The following KCNMB2 variants were observed in gnomAD, a reference collection of about 807,000 sequenced individuals.
KCNMB2 encodes the protein calcium-activated potassium channel subunit beta-2.
Under a neutral mutation model 24.5 loss-of-function variants are expected in KCNMB2, and 9 were observed. The ratio of observed to expected loss-of-function variants is 0.37; its 90% CI spans 0.22 to 0.64. The LOEUF (loss-of-function observed/expected upper bound fraction) is 0.64. KCNMB2 is among the 30% of genes least tolerant of loss of function. The pLI, the probability that KCNMB2 is intolerant of heterozygous loss-of-function variation, is 0.63. For missense variants in KCNMB2, 226 were observed against 284.3 expected (o/e 0.79, Z 1.47); for synonymous variants, 109 against 104.4 (o/e 1.04, Z -0.27).
At chr3:178,731,644 C>T (rs975008245) in intron 1 of KCNMB2, among the ~76,000 whole-genome samples, 3 of 152,224 alleles carry the variant, frequency 2.0e-5, no homozygotes, top group Non-Finnish European at 4.4e-5. Flanking sequence ...TGGCTCATGC[C>T]TGTAATCCCA....
At chr3:178,770,648 A>C in intron 1 of KCNMB2, among the ~76,000 whole-genome samples, 1 of 152,224 alleles carries the variant, frequency 6.6e-6, no homozygotes, top group Non-Finnish European at 1.5e-5. Context: ...CAACAGTTAA[A>C]ATCAAAAAAA....
chr3:178,666,904 T>C (rs1446617467), intron 1 of KCNMB2, among the ~76,000 whole-genome samples: 1 of 152,142 alleles, frequency 6.6e-6, no homozygotes, highest in Non-Finnish European at 1.5e-5. Context: ...ACGAAACTCT[T>C]CAGATGTTCA....
At chr3:178,757,944 G>GAT (rs1408754747) in intron 1 of KCNMB2, among the ~76,000 whole-genome samples, 1,569 of 66,214 alleles carry the variant, frequency 0.024, 310 homozygotes, top group African/African-American at 0.059. Flanking sequence ...TACACAAGGG[G>GAT]ATATATAGAC....
At chr3:178,677,901 G>A (rs1350545917) in intron 1 of KCNMB2, among the ~76,000 whole-genome samples, 1 of 152,188 alleles carries the variant, frequency 6.6e-6, no homozygotes, top group Admixed American at 6.5e-5. Context: ...CATACTAAAT[G>A]ATCATGTATG....
At chr3:178,724,897 T>A (rs1424711910) in intron 1 of KCNMB2, among the ~76,000 whole-genome samples, 1 of 152,196 alleles carries the variant, frequency 6.6e-6, no homozygotes, top group South Asian at 2.1e-4. Flanking sequence ...GCTGTTTTGG[T>A]TACTGTAGCT....
At chr3:178,539,987 A>T (rs913414588) in intron 1 of KCNMB2, among the ~76,000 whole-genome samples, 1 of 152,132 alleles carries the variant, frequency 6.6e-6, no homozygotes, top group Non-Finnish European at 1.5e-5. Context: ...CCTAACCTTG[A>T]CTTTTCCTCT....
chr3:178,566,398 C>T (rs7617794), intron 1 of KCNMB2, among the ~76,000 whole-genome samples: 33,586 of 151,950 alleles, frequency 0.22, 5,661 homozygotes, highest in African/African-American at 0.48. Context: ...AGTATCTGGC[C>T]GTGTCACTCA....
At chr3:178,551,763 T>C (rs765010669) in intron 1 of KCNMB2, among the ~76,000 whole-genome samples, 1 of 152,206 alleles carries the variant, frequency 6.6e-6, no homozygotes, top group Non-Finnish European at 1.5e-5. Flanking sequence ...CTAAAATCCC[T>C]ATCGTGCACT....
chr3:178,653,584 C>T (rs1026368686), intron 1 of KCNMB2, among the ~76,000 whole-genome samples: 15 of 151,918 alleles, frequency 9.9e-5, no homozygotes, highest in Non-Finnish European at 2.2e-4. Context: ...CAAGGCCTGG[C>T]CCTCCAGGAA....
At chr3:178,824,056 A>T (rs1001932775) in intron 2 of KCNMB2, among the ~76,000 whole-genome samples, 4 of 152,150 alleles carry the variant, frequency 2.6e-5, no homozygotes. Flanking sequence ...GACATTGAAA[A>T]ATCATGAGCT....
chr3:178,779,019 C>T (rs562069903), intron 1 of KCNMB2, among the ~76,000 whole-genome samples: 42 of 152,206 alleles, frequency 2.8e-4, no homozygotes, highest in African/African-American at 8.9e-4. Flanking sequence ...GAAGAAAGCA[C>T]CATCTCGTAT....
intron 1 of KCNMB2, among the ~76,000 whole-genome samples, chr3:178,569,350 T>G (rs1027212748): frequency 2.0e-5 from 3 of 152,180 alleles, no homozygotes; most frequent in Non-Finnish European, 4.4e-5. Context: ...CATTCTAATT[T>G]ACCACCTCGG....
intron 1 of KCNMB2, among the ~76,000 whole-genome samples, chr3:178,571,556 T>G (rs1020054637): frequency 6.6e-6 from 1 of 151,048 alleles, no homozygotes; most frequent in African/African-American, 2.4e-5. Flanking sequence ...GGGATACATG[T>G]GCAGAACATG....
intron 4 of KCNMB2, among the ~76,000 whole-genome samples, chr3:178,838,736 C>T (rs1196816300): frequency 6.6e-6 from 1 of 152,138 alleles, no homozygotes; most frequent in Non-Finnish European, 1.5e-5. Flanking sequence ...TACCCCAAAA[C>T]CTATATCAAT....
chr3:178,807,561 TG>T, intron 2 of KCNMB2, 96 bp downstream of exon 2: 2 of 1,018,878 alleles, frequency 2.0e-6, no homozygotes, highest in Non-Finnish European at 3.1e-6. Context: ...CTGAGCCTTA[TG>T]CTTTGCAATG....
intron 1 of KCNMB2, among the ~76,000 whole-genome samples, chr3:178,779,223 T>C (rs540140076): frequency 6.6e-6 from 1 of 152,344 alleles, no homozygotes; most frequent in East Asian, 1.9e-4. Flanking sequence ...GTCCATTTGA[T>C]GGCCTTTCCC....
intron 1 of KCNMB2, among the ~76,000 whole-genome samples, chr3:178,747,766 G>A (rs1723718245): frequency 6.6e-6 from 1 of 151,976 alleles, no homozygotes; most frequent in South Asian, 2.1e-4. Flanking sequence ...GACTTCTCTT[G>A]GTCCTGATTC....
intron 1 of KCNMB2, among the ~76,000 whole-genome samples, chr3:178,745,850 C>A (rs924011123): frequency 2.0e-5 from 3 of 152,346 alleles, no homozygotes; most frequent in Non-Finnish European, 4.4e-5. Flanking sequence ...TGTCTCACAT[C>A]CAGGTCACGC....
intron 1 of KCNMB2, among the ~76,000 whole-genome samples, chr3:178,662,870 A>G (rs1400640525): frequency 6.6e-6 from 1 of 152,148 alleles, no homozygotes. Flanking sequence ...ACGTGATAAA[A>G]CAGGCCTAAG....
Sources: gnomAD v4.1 joint callset for allele counts (sites outside exome capture counted in the v4.1 genomes callset) on GRCh38, gnomAD v4.1.1 for gene constraint, MANE v1.5 for transcripts, NCBI Gene and HGNC (gene_info 2026-07-23, HGNC 2026-07-21) for gene names.